The following ZFPM2 variants were observed in gnomAD, a reference collection of about 807,000 sequenced individuals.
ZFPM2 encodes zinc finger protein, FOG family member 2.
In ZFPM2, 20 loss-of-function variants were observed where a neutral mutation model predicts 98.6. The ratio of observed to expected loss-of-function variants is 0.20; its 90% CI spans 0.14 to 0.29. The LOEUF is 0.29. ZFPM2 is among the 10% of genes least tolerant of loss of function. The pLI is 1.00. For synonymous variants in ZFPM2, 518 were observed against 502.7 expected (o/e 1.03, Z -0.41); for missense variants, 1,310 against 1,388.6 (o/e 0.94, Z 0.90).
intron 1 of ZFPM2, among the ~76,000 whole-genome samples, chr8:105,389,947 C>T (rs1448015236): frequency 2.0e-5 from 3 of 152,236 alleles, no homozygotes; most frequent in Non-Finnish European, 4.4e-5. Flanking sequence ...ACTCAAAATG[C>T]CCATTTACAT....
intron 3 of ZFPM2, among the ~76,000 whole-genome samples, chr8:105,559,117 T>G (rs1815068652): frequency 6.6e-6 from 1 of 152,186 alleles, no homozygotes; most frequent in South Asian, 2.1e-4. Flanking sequence ...ATAAAGGGTC[T>G]GTCATTCCAA....
chr8:105,462,379 G>T (rs1163492758), intron 3 of ZFPM2, among the ~76,000 whole-genome samples: 1 of 152,064 alleles, frequency 6.6e-6, no homozygotes, highest in Non-Finnish European at 1.5e-5. Context: ...AAAAATTCAG[G>T]CCTGACCTTA....
In ZFPM2 at chr8:105,512,191, A is replaced by G. The variant is rs78343097; in HGVS notation, c.302-49172A>G. 7.0e-3 allele frequency among the ~76,000 whole-genome samples: 1,061 copies of G among 152,282 alleles called. 10 individuals carry two copies. The highest frequency in any genetic ancestry group is 0.024 in the African/African-American group (985 of 41,584). On this transcript the variant is annotated intron_variant, in intron 3 of 7. Coordinates refer to ENST00000407775, the MANE Select transcript of ZFPM2 (RefSeq NM_012082.4). ...TGTATATTCTTGAAATGAGCTGAAGACATTGGGAGTCCTATTTAGACTAAA... is the reference window on the plus strand; with the variant it reads ...TGTATATTCTTGAAATGAGCTGAAGGCATTGGGAGTCCTATTTAGACTAAA...
chr8:105,653,360 TA>T (rs1170309766), intron 5 of ZFPM2, among the ~76,000 whole-genome samples: 1 of 152,228 alleles, frequency 6.6e-6, no homozygotes, highest in African/African-American at 2.4e-5. Flanking sequence ...ATATGCCAGG[TA>T]GAGAATCTGT....
chr8:105,488,858 A>G (rs1406832975), intron 3 of ZFPM2, among the ~76,000 whole-genome samples: 1 of 152,138 alleles, frequency 6.6e-6, no homozygotes, highest in Non-Finnish European at 1.5e-5. Flanking sequence ...TCAGATCTCT[A>G]ATTGTCTTCC....
intron 3 of ZFPM2, among the ~76,000 whole-genome samples, chr8:105,551,388 AT>A (rs1814849599): frequency 6.6e-6 from 1 of 151,606 alleles, no homozygotes. Flanking sequence ...TATATGTTAC[AT>A]TTTTATTTCT....
At chr8:105,398,128 A>T (rs1439379223) in intron 1 of ZFPM2, among the ~76,000 whole-genome samples, 2 of 152,160 alleles carry the variant, frequency 1.3e-5, no homozygotes, top group Non-Finnish European at 2.9e-5. Flanking sequence ...GAGCTCATAA[A>T]CTTTACTTAG....
chr8:105,374,433 G>A (rs1276284858), intron 1 of ZFPM2, among the ~76,000 whole-genome samples: 7 of 151,072 alleles, frequency 4.6e-5, no homozygotes, highest in Admixed American at 1.3e-4. Flanking sequence ...ACAGGGTCTT[G>A]CTATTTCTCC....
At chr8:105,659,325 T>C (rs1393103556) in intron 5 of ZFPM2, among the ~76,000 whole-genome samples, 1 of 152,332 alleles carries the variant, frequency 6.6e-6, no homozygotes, top group African/African-American at 2.4e-5. Context: ...AATTGGCTGT[T>C]ATGCCCTAAC....
At chr8:105,565,898 G>T (rs1257704683) in intron 4 of ZFPM2, among the ~76,000 whole-genome samples, 1 of 152,144 alleles carries the variant, frequency 6.6e-6, no homozygotes, top group Non-Finnish European at 1.5e-5. Context: ...TACGTATATA[G>T]CCAGAGATTT....
intron 1 of ZFPM2, among the ~76,000 whole-genome samples, chr8:105,401,510 C>A (rs1270980042): frequency 6.6e-6 from 1 of 152,026 alleles, no homozygotes; most frequent in East Asian, 1.9e-4. Flanking sequence ...CAGGGCCATC[C>A]TGCTTTGAGG....
At chr8:105,732,714 G>A (rs1811970069) in intron 5 of ZFPM2, among the ~76,000 whole-genome samples, 1 of 151,818 alleles carries the variant, frequency 6.6e-6, no homozygotes, top group Non-Finnish European at 1.5e-5. Flanking sequence ...GTAAATTACA[G>A]TAATCTAGGG....
chr8:105,702,890 G>A (rs758891180), intron 5 of ZFPM2, among the ~76,000 whole-genome samples: 1 of 152,172 alleles, frequency 6.6e-6, no homozygotes, highest in Non-Finnish European at 1.5e-5. Flanking sequence ...ACAAATGTTG[G>A]GATGGAAGGT....
chr8:105,492,863 A>G (rs1365411757), intron 3 of ZFPM2, among the ~76,000 whole-genome samples: 5 of 152,218 alleles, frequency 3.3e-5, no homozygotes, highest in Non-Finnish European at 5.9e-5. Flanking sequence ...TACATTTTTG[A>G]TACTGTAAAG....
At chr8:105,504,744 A>C (rs1025544569) in intron 3 of ZFPM2, among the ~76,000 whole-genome samples, 14 of 152,158 alleles carry the variant, frequency 9.2e-5, no homozygotes, top group Admixed American at 7.9e-4. Flanking sequence ...ATGATTTCTA[A>C]TTAGAAATAG....
At chr8:105,693,120 GAGA>G (rs1810928280) in intron 5 of ZFPM2, among the ~76,000 whole-genome samples, 1 of 152,210 alleles carries the variant, frequency 6.6e-6, no homozygotes, top group Non-Finnish European at 1.5e-5. Flanking sequence ...GGAGATATTA[GAGA>G]AGAAGGTTTA....
At chr8:105,672,590 G>A (rs189243702) in intron 5 of ZFPM2, among the ~76,000 whole-genome samples, 54 of 152,064 alleles carry the variant, frequency 3.6e-4, no homozygotes, top group African/African-American at 1.0e-3. Flanking sequence ...ATTGGTAATC[G>A]TTAAATAATG....
chr8:105,537,478 C>T (rs1172511296), intron 3 of ZFPM2, among the ~76,000 whole-genome samples: 5 of 152,094 alleles, frequency 3.3e-5, no homozygotes, highest in Admixed American at 6.6e-5. Flanking sequence ...GAGTTCAAGG[C>T]TATCCTGGAC....
intron 5 of ZFPM2, among the ~76,000 whole-genome samples, chr8:105,731,441 A>G (rs1397493238): frequency 1.3e-5 from 2 of 151,660 alleles, no homozygotes; most frequent in African/African-American, 4.8e-5. Context: ...CAGAAAAGAA[A>G]TATTGCATTG....
Sources: allele counts gnomAD v4.1 joint callset (sites outside exome capture counted in the v4.1 genomes callset), GRCh38; gene constraint gnomAD v4.1.1; transcripts MANE v1.5; gene names NCBI Gene and HGNC (gene_info 2026-07-23, HGNC 2026-07-21).